SCUBE3: variants seen among roughly 807,000 people sequenced by gnomAD.
SCUBE3 encodes signal peptide, CUB domain and EGF like domain containing 3, also known as signal peptide, CUB and EGF-like domain-containing protein 3.
A neutral mutation model predicts 116.8 loss-of-function variants in SCUBE3; 33 were observed. That is an observed-to-expected ratio of 0.28 (90% CI 0.21 to 0.38). SCUBE3 has a LOEUF of 0.38. Ranked by LOEUF, SCUBE3 falls within the 10% of genes least tolerant of loss-of-function variation. SCUBE3 has a pLI of 1.00. For missense variants in SCUBE3, 1,007 were observed against 1,324.8 expected (o/e 0.76, Z 3.72); for synonymous variants, 418 against 496.9 (o/e 0.84, Z 2.11).
chr6:35,234,581 G>A (rs889299162), intron 6 of SCUBE3, among the ~76,000 whole-genome samples: 1 of 152,048 alleles, frequency 6.6e-6, no homozygotes, highest in Non-Finnish European at 1.5e-5. Context: ...GCCTTCTTTG[G>A]GCTGGTGTGT....
chr6:35,250,493 T>A lies in SCUBE3; in HGVS notation c.*1788T>A, dbSNP rs753637470. 1.3e-5 allele frequency: 2 copies of A among 152,204 alleles called. No individual in the cohort carries two copies. Among genetic ancestry groups the A allele is most frequent in the African/African-American group, 4.8e-5 (2 of 41,446 alleles). The allele number at this position is 152,204 out of a possible 1,614,324, so 9.4% of individuals were successfully genotyped here. A position where few individuals can be genotyped will look rare whatever the true frequency, so the allele number is the denominator to read the frequency against. ...TGGCTCTGGTCACTTCCCTTTGAAG[T>A]TGACTTCAAGCTTAGCTTCCTCAAC... On this transcript the variant is annotated 3_prime_UTR_variant, in exon 22 of 22. Transcript: ENST00000274938.
At position 35,243,013 on chromosome 6, in the gene SCUBE3, A is replaced by G; in HGVS notation, c.1694-8A>G. ...TCCTCCCTGATACACACGGCCATCC[A>G]CCACCAGCCAGCTGTGGGCTGCCCT... On this transcript the variant is annotated splice_polypyrimidine_tract_variant and splice_region_variant and intron_variant, in intron 14 of 21. Coordinates refer to ENST00000274938, the MANE Select transcript of SCUBE3 (RefSeq NM_152753.4). This position sits in a 1 kb window ranked among gnomAD's most constrained non-coding sequence, Gnocchi z 6.6. 1 of 1,613,268 alleles carries G rather than the reference A, an allele frequency of 6.2e-7. No individual in the cohort carries two copies. Among genetic ancestry groups the G allele is most frequent in the Non-Finnish European group, 8.5e-7 (1 of 1,179,422 alleles).
In SCUBE3 at chr6:35,250,712, CT is replaced by C. The variant is rs10530852; in HGVS notation, c.*2023del. On this transcript the variant is annotated 3_prime_UTR_variant, in exon 22 of 22. Transcript: ENST00000274938. The stretch of plus-strand genomic sequence containing the variant: ...ACCAACTGAGTCCTCAGGTTCATTT[CT>C]TTTTTTTTTTTTTTTCTTTTTAACT... 106,127 of 140,160 alleles carry C rather than the reference CT, an allele frequency of 0.76. 40,595 individuals carry two copies. Among genetic ancestry groups the C allele is most frequent in the Non-Finnish European group, 0.84 (54,234 of 64,774 alleles). The allele number at this position is 140,160 out of a possible 1,614,324, so 8.7% of individuals were successfully genotyped here. A position where few individuals can be genotyped will look rare whatever the true frequency, so the allele number is the denominator to read the frequency against.
Position 35,244,930 on chromosome 6 carries a change from TC to T in SCUBE3, c.2401+121del. The T allele has an allele frequency of 1.0e-6, 1 of 952,444 alleles. No homozygotes were observed. Among genetic ancestry groups the T allele is most frequent in the Non-Finnish European group, 1.6e-6 (1 of 620,208 alleles). 59.0% of individuals were successfully genotyped at this position (952,444 alleles called of 1,614,324 possible). A position where few individuals can be genotyped will look rare whatever the true frequency, so the allele number is the denominator to read the frequency against. On this transcript the variant is annotated intron_variant, in intron 18 of 21. Coordinates refer to ENST00000274938, the MANE Select transcript of SCUBE3 (RefSeq NM_152753.4). This position sits in a 1 kb window ranked among gnomAD's most constrained non-coding sequence, Gnocchi z 4.3. ...CTGGGGGGTGGAGGAGCAGGAAAAC[TC>T]CACCTTCCACCTCTCCCCAACTCAC...
At position 35,242,105 on chromosome 6, in the gene SCUBE3, C is replaced by T. The variant is rs1448634736; in HGVS notation, c.1418-99C>T. ...ACTTTCATAATCTCACTCCCCCAGC[C>T]AAGCCCCTGGCTTATTACCCAGCTT... is the stretch of plus-strand genomic sequence containing the variant. On this transcript the variant is annotated intron_variant, in intron 12 of 21. Transcript: ENST00000274938. 4 of 944,032 alleles carry T rather than the reference C, an allele frequency of 4.2e-6. No individual in the cohort carries two copies. In the African/African-American group the frequency reaches 4.9e-5, roughly 11 times the overall value. The allele number at this position is 944,032 out of a possible 1,614,324, so 58.5% of individuals were successfully genotyped here.
At position 35,235,010 on chromosome 6, in the gene SCUBE3, C is replaced by T. The variant is rs1357789360; in HGVS notation, c.712+1709C>T. 6.6e-6 allele frequency among the ~76,000 whole-genome samples: 1 copy of T among 152,200 alleles called. No individual in the cohort carries two copies. The highest frequency in any genetic ancestry group is 1.5e-5 in the Non-Finnish European group (1 of 68,038). ...CTTGCCATATATCTAATTTTTCTGG[C>T]CATCCCTGGTAAGAGGAAACATCAT... On this transcript the variant is annotated intron_variant, in intron 6 of 21. Transcript: ENST00000274938. The surrounding 1 kb of genome is among the most constrained non-coding windows in gnomAD (Gnocchi z 4.5).
At position 35,241,954 on chromosome 6, in the gene SCUBE3, C is replaced by T. The variant is rs763838323; in HGVS notation, c.1417+44C>T. 5 of 1,304,674 alleles carry T rather than the reference C, an allele frequency of 3.8e-6. No homozygotes were observed. Among genetic ancestry groups the T allele is most frequent in the Non-Finnish European group, 5.5e-6 (5 of 906,534 alleles). The allele number at this position is 1,304,674 out of a possible 1,614,324, so 80.8% of individuals were successfully genotyped here. A position where few individuals can be genotyped will look rare whatever the true frequency, so the allele number is the denominator to read the frequency against. ...GCCCTGTTCCCACCCTACTCTCTTACATTAATCCCTTATTTTTGTTCTTCA... is the reference window on the plus strand; with the variant it reads ...GCCCTGTTCCCACCCTACTCTCTTATATTAATCCCTTATTTTTGTTCTTCA... On this transcript the variant is annotated intron_variant, in intron 12 of 21. Coordinates refer to ENST00000274938, the MANE Select transcript of SCUBE3 (RefSeq NM_152753.4). The surrounding 1 kb of genome is among the most constrained non-coding windows in gnomAD (Gnocchi z 4.1).
In SCUBE3 at chr6:35,240,359, T is replaced by A. The variant is rs1279614224; in HGVS notation, c.953-15T>A. 6.6e-7 allele frequency: 1 copy of A among 1,509,608 alleles called. No individual in the cohort carries two copies. Among genetic ancestry groups the A allele is most frequent in the Admixed American group, 1.8e-5 (1 of 56,508 alleles). 93.5% of individuals were successfully genotyped at this position (1,509,608 alleles called of 1,614,324 possible). A position where few individuals can be genotyped will look rare whatever the true frequency, so the allele number is the denominator to read the frequency against. On this transcript the variant is annotated splice_polypyrimidine_tract_variant and intron_variant, in intron 8 of 21. Coordinates refer to ENST00000274938, the MANE Select transcript of SCUBE3 (RefSeq NM_152753.4). This position sits in a 1 kb window ranked among gnomAD's most constrained non-coding sequence, Gnocchi z 4.6. Reference sequence around the variant, plus strand: ...TCCAAGACAGATTCAGTGGCTTGAATCTTTGCTCTTCCAGATATAGACGAG... The same window carrying A: ...TCCAAGACAGATTCAGTGGCTTGAAACTTTGCTCTTCCAGATATAGACGAG...
Position 35,243,293 on chromosome 6 carries a change from C to CA in SCUBE3, c.1909+58dup. 1 of 1,418,066 alleles carries CA rather than the reference C, an allele frequency of 7.1e-7. No homozygotes were observed. The highest frequency in any genetic ancestry group is 1.2e-5 in the South Asian group (1 of 86,850). 87.8% of individuals were successfully genotyped at this position (1,418,066 alleles called of 1,614,324 possible). On this transcript the variant is annotated intron_variant, in intron 15 of 21. Transcript: ENST00000274938. This position sits in a 1 kb window ranked among gnomAD's most constrained non-coding sequence, Gnocchi z 6.6. ...GGAAAGACCCAGTTTGGGCCTGACTCAGAGCAGGACCCTTTGTGGCCTCAG... is the reference window on the plus strand; with the variant it reads ...GGAAAGACCCAGTTTGGGCCTGACTCAAGAGCAGGACCCTTTGTGGCCTCAG...
At position 35,240,488 on chromosome 6, in the gene SCUBE3, G is replaced by C. The variant is rs1488960892; in HGVS notation, c.1067G>C (p.Gly356Ala). ...CTGTTGTATGGTATCACCCACTGTG[G>C]GGGTAAGCTAGTAAGCTTGCACCCC... ...GYLLYGITHCGDVDECSINRG... is the reference protein window; with the variant it reads ...GYLLYGITHCADVDECSINRG... Residue 356 changes from glycine to alanine, a missense_variant and splice_region_variant, in exon 9 of 22, where the codon GGG (glycine) becomes GCG (alanine). By Grantham distance (60) the Gly-to-Ala change is moderately conservative. Around this residue, in one of 5 missense-constraint regions of SCUBE3, gnomAD observed 544 missense variants for 638.9 expected, o/e 0.85. Transcript: ENST00000274938. The surrounding 1 kb of genome is among the most constrained non-coding windows in gnomAD (Gnocchi z 4.6). The C allele has an allele frequency of 1.9e-6, 3 of 1,558,966 alleles. No individual in the cohort carries two copies. In the African/African-American group the frequency reaches 4.1e-5, roughly 21 times the overall value.
chr6:35,242,827 G>T, intron 14 of SCUBE3, 47 bp downstream of exon 14: 1 of 1,600,642 alleles, frequency 6.2e-7, no homozygotes, highest in South Asian at 1.1e-5. Flanking sequence ...GGGGAGGGCA[G>T]AGGTGGGGAA....
intron 7 of SCUBE3, among the ~76,000 whole-genome samples, chr6:35,238,648 T>C (rs1184294377): frequency 1.3e-5 from 2 of 152,226 alleles, no homozygotes; most frequent in Non-Finnish European, 2.9e-5. Context: ...AGAACAGTGC[T>C]TGGCAAATGG....
chr6:35,235,516 C>A lies in SCUBE3; in HGVS notation c.712+2215C>A. ...ATGGTAAATATGTCTGCTCTCTCCG[C>A]TTGCTCTCACTGGCTTGCTAGGGGA... On this transcript the variant is annotated intron_variant, in intron 6 of 21. Coordinates refer to ENST00000274938, the MANE Select transcript of SCUBE3 (RefSeq NM_152753.4). The surrounding 1 kb of genome is among the most constrained non-coding windows in gnomAD (Gnocchi z 4.5). 8.0e-7 allele frequency: 1 copy of A among 1,252,248 alleles called. No homozygotes were observed. The highest frequency in any genetic ancestry group is 1.0e-6 in the Non-Finnish European group (1 of 954,478). The allele number at this position is 1,252,248 out of a possible 1,614,324, so 77.6% of individuals were successfully genotyped here.
At chr6:35,227,739 T>C (rs1181549585) in intron 2 of SCUBE3, 37 bp downstream of exon 2, 3 of 1,612,322 alleles carry the variant, frequency 1.9e-6, no homozygotes, top group Non-Finnish European at 2.5e-6. Flanking sequence ...GAGGGACCTG[T>C]GGAAGAAGGC....
chr6:35,242,148 C>A, intron 12 of SCUBE3, 56 bp from the exon 13 acceptor site: 3 of 1,296,092 alleles, frequency 2.3e-6, no homozygotes, highest in Non-Finnish European at 3.4e-6. Flanking sequence ...ACCCCTACGG[C>A]ACCCCCGACC....
chr6:35,242,945 C>T, intron 14 of SCUBE3, 76 bp from the exon 15 acceptor site: 1 of 1,532,326 alleles, frequency 6.5e-7, no homozygotes, highest in Non-Finnish European at 9.0e-7. Flanking sequence ...CCTCCTAGCT[C>T]CCAGCTTTGC....
chr6:35,245,818 AGGG>A lies in SCUBE3; in HGVS notation c.2600-123_2600-121del. On this transcript the variant is annotated intron_variant, in intron 19 of 21. Transcript: ENST00000274938. The surrounding 1 kb of genome is among the most constrained non-coding windows in gnomAD (Gnocchi z 4.2). Reference sequence around the variant, plus strand: ...TGTGGGGTAGGGTGTGTGTATGCGAAGGGGGAGCCTTTGTCAGAATGATTCTCT... The same window carrying A: ...TGTGGGGTAGGGTGTGTGTATGCGAAGGAGCCTTTGTCAGAATGATTCTCT... The A allele has an allele frequency of 2.0e-6, 2 of 1,009,822 alleles. No individual in the cohort carries two copies. Among genetic ancestry groups the A allele is most frequent in the Admixed American group, 4.4e-5 (2 of 45,194 alleles). 62.6% of individuals were successfully genotyped at this position (1,009,822 alleles called of 1,614,324 possible).
At chr6:35,225,247 G>T (rs1489283915) in intron 1 of SCUBE3, among the ~76,000 whole-genome samples, 2 of 152,204 alleles carry the variant, frequency 1.3e-5, no homozygotes, top group African/African-American at 2.4e-5. Context: ...TTTTAAGGGG[G>T]AGGAGATGGA....
chr6:35,229,363 T>C (rs1334072991), intron 3 of SCUBE3, among the ~76,000 whole-genome samples: 1 of 152,172 alleles, frequency 6.6e-6, no homozygotes. Context: ...TTAGCTGTGA[T>C]TGTGTCACTG....
Sources: gnomAD v4.1 joint callset for allele counts (sites outside exome capture counted in the v4.1 genomes callset) on GRCh38, gnomAD v4.1.1 for gene constraint, gnomAD v4.1.1 regional missense constraint, Gnocchi (gnomAD v3.1) non-coding constraint, MANE v1.5 for transcripts, NCBI Gene and HGNC (gene_info 2026-07-23, HGNC 2026-07-21) for gene names.